PSMA6: variants seen among roughly 807,000 people sequenced by gnomAD.
PSMA6 encodes proteasome 20S subunit alpha 6.
For missense variants in PSMA6, 170 were observed against 294.8 expected (o/e 0.58, Z 3.10); for synonymous variants, 88 against 97.7 (o/e 0.90, Z 0.59).
chr14:35,314,579 GT>G, intron 6 of PSMA6, 124 bp downstream of exon 6: 4 of 1,257,070 alleles, frequency 3.2e-6, no homozygotes, highest in Admixed American at 3.6e-5. Context: ...TTGTGTGTTT[GT>G]TTTTTTCCCC....
intron 1 of PSMA6, chr14:35,293,079 G>A: frequency 2.2e-6 from 1 of 446,746 alleles, no homozygotes; most frequent in Non-Finnish European, 4.5e-6. Context: ...AGCTTAGAGT[G>A]ACAGATACGT....
chr14:35,315,388 T>C (rs1230017546), intron 6 of PSMA6: 4 of 150,976 alleles, frequency 2.6e-5, no homozygotes, highest in East Asian at 1.9e-4. Flanking sequence ...GAAAAATTCA[T>C]AGGACTTTAA....
chr14:35,316,411 G>A (rs1421561116), intron 6 of PSMA6: 4 of 150,556 alleles, frequency 2.7e-5, no homozygotes, highest in African/African-American at 9.8e-5. Flanking sequence ...AAAGAGAAAG[G>A]AAATATATGT....
intron 3 of PSMA6, 44 bp downstream of exon 3, chr14:35,309,039 C>A (rs565916332): frequency 7.5e-7 from 1 of 1,331,186 alleles, no homozygotes; most frequent in Non-Finnish European, 1.1e-6. Flanking sequence ...GATATACAAG[C>A]CTTTTGTTAT....
At chr14:35,315,467 A>T (rs138260696) in intron 6 of PSMA6, 94 of 151,912 alleles carry the variant, frequency 6.2e-4, no homozygotes, top group African/African-American at 2.2e-3. Context: ...CTGAGGCAAG[A>T]GGATGGCTTG....
At position 35,317,310 on chromosome 14, in the gene PSMA6, T is replaced by C; in HGVS notation, c.*4T>C. ...TGCTCTAGCAGAGAGAGACTAAACA[T>C]TGTCGTTAGTTTACCAGATCCGTGA... On this transcript the variant is annotated 3_prime_UTR_variant, in exon 7 of 7. Coordinates refer to ENST00000261479, the MANE Select transcript of PSMA6 (RefSeq NM_002791.3). The C allele has an allele frequency of 6.2e-7, 1 of 1,603,472 alleles. No homozygotes were observed. The highest frequency in any genetic ancestry group is 1.1e-5 in the South Asian group (1 of 90,824).
At position 35,313,057 on chromosome 14, in the gene PSMA6, G is replaced by A. The variant is rs1261187716; in HGVS notation, c.586G>A (p.Glu196Lys). 6.4e-7 allele frequency: 1 copy of A among 1,563,866 alleles called. No individual in the cohort carries two copies. The highest frequency in any genetic ancestry group is 8.6e-7 in the Non-Finnish European group (1 of 1,165,146). ...KFDWTFEQTV[E>K]TAITCLSTVL... ...TGATTGGACATTTGAACAGACAGTGGAAGTAAGTCAACCAAAAGGAGCTGA... is the reference window on the plus strand; with the variant it reads ...TGATTGGACATTTGAACAGACAGTGAAAGTAAGTCAACCAAAAGGAGCTGA... The change falls in exon 5 of 7, where the codon GAA (glutamate) becomes AAA (lysine). Residue 196 changes from glutamate to lysine, a missense_variant and splice_region_variant. Transcript: ENST00000261479.
chr14:35,310,951 C>CATGT, intron 4 of PSMA6, 56 bp downstream of exon 4: 1 of 1,518,218 alleles, frequency 6.6e-7, no homozygotes, highest in Non-Finnish European at 9.0e-7. Context: ...TTTTACAGAA[C>CATGT]ATGTATACAG....
chr14:35,309,026 G>A (rs1416834325), intron 3 of PSMA6, 31 bp downstream of exon 3: 4 of 1,407,126 alleles, frequency 2.8e-6, no homozygotes, highest in Non-Finnish European at 4.0e-6. Context: ...CAAGACATCT[G>A]TAGATATACA....
At chr14:35,306,654 C>T (rs2051833051) in intron 1 of PSMA6, among the ~76,000 whole-genome samples, 2 of 152,118 alleles carry the variant, frequency 1.3e-5, no homozygotes, top group African/African-American at 4.8e-5. Flanking sequence ...TTGTAGTGAG[C>T]CAAGATCATG....
At chr14:35,284,213 C>T (rs1287561111) in intron 1 of PSMA6, among the ~76,000 whole-genome samples, 2 of 152,060 alleles carry the variant, frequency 1.3e-5, no homozygotes, top group Non-Finnish European at 2.9e-5. Context: ...CCTAGCTTGC[C>T]CTAAACACAG....
At position 35,299,327 on chromosome 14, in the gene PSMA6, C is replaced by CTTTTTTTTTTTTTTTTTTTTTTT. The variant is rs71445906; in HGVS notation, c.76+6788_76+6789insTTTTTTTTTTTTTTTTTTTTTTT. Among the ~76,000 whole-genome samples the CTTTTTTTTTTTTTTTTTTTTTTT allele has an allele frequency of 7.3e-4, 48 of 65,996 alleles. 11 individuals carry two copies. The highest frequency in any genetic ancestry group is 2.0e-3 in the African/African-American group (35 of 17,124). The allele number at this position is 65,996 out of a possible 152,430, so 43.3% of individuals were successfully genotyped here. A position where few individuals can be genotyped will look rare whatever the true frequency, so the allele number is the denominator to read the frequency against. ...TGTGAGCCGCCGCAGTGCCCAGCCT[C>CTTTTTTTTTTTTTTTTTTTTTTT]TTTTTTTTTTTTTGAGATGGAGTCT... On this transcript the variant is annotated intron_variant, in intron 1 of 6. Coordinates refer to ENST00000261479, the MANE Select transcript of PSMA6 (RefSeq NM_002791.3).
upstream of PSMA6, among the ~76,000 whole-genome samples, chr14:35,291,706 C>A (rs1442466871): frequency 6.6e-6 from 1 of 151,766 alleles, no homozygotes; most frequent in Non-Finnish European, 1.5e-5. Flanking sequence ...GCCTATAATC[C>A]CAGCTACTCG....
intron 1 of PSMA6, among the ~76,000 whole-genome samples, chr14:35,294,674 T>C (rs1407791218): frequency 1.3e-5 from 2 of 152,212 alleles, no homozygotes; most frequent in African/African-American, 4.8e-5. Flanking sequence ...CAGTGAATGT[T>C]ATTAGATGCT....
chr14:35,317,223 G>GT (rs745577903), intron 6 of PSMA6, 26 bp from the exon 7 acceptor site: 91 of 1,605,976 alleles, frequency 5.7e-5, no homozygotes, highest in East Asian at 3.3e-4. Flanking sequence ...TTAAATCGTT[G>GT]TTTTTTTCCC....
intron 1 of PSMA6, among the ~76,000 whole-genome samples, chr14:35,293,513 C>T (rs1339880977): frequency 6.6e-6 from 1 of 152,148 alleles, no homozygotes; most frequent in Non-Finnish European, 1.5e-5. Context: ...GTAATATAAT[C>T]ATCTGTGCTT....
In PSMA6 at chr14:35,299,327, C is replaced by CTTTTTTTTTTTTTTTTTTTTTTTTTTTTT; in HGVS notation, c.76+6788_76+6789insTTTTTTTTTTTTTTTTTTTTTTTTTTTTT. 3.0e-5 allele frequency among the ~76,000 whole-genome samples: 2 copies of CTTTTTTTTTTTTTTTTTTTTTTTTTTTTT among 66,004 alleles called. 1 individual carries two copies. The highest frequency in any genetic ancestry group is 5.5e-5 in the Non-Finnish European group (2 of 36,322). 43.3% of individuals were successfully genotyped at this position (66,004 alleles called of 152,430 possible). A position where few individuals can be genotyped will look rare whatever the true frequency, so the allele number is the denominator to read the frequency against. On this transcript the variant is annotated intron_variant, in intron 1 of 6. Coordinates refer to ENST00000261479, the MANE Select transcript of PSMA6 (RefSeq NM_002791.3). Reference sequence around the variant, plus strand: ...TGTGAGCCGCCGCAGTGCCCAGCCTCTTTTTTTTTTTTTGAGATGGAGTCT... The same window carrying CTTTTTTTTTTTTTTTTTTTTTTTTTTTTT: ...TGTGAGCCGCCGCAGTGCCCAGCCTCTTTTTTTTTTTTTTTTTTTTTTTTTTTTTTTTTTTTTTTTTTGAGATGGAGTCT...
chr14:35,280,134 A>G (rs1171699629), intron 1 of PSMA6, among the ~76,000 whole-genome samples: 4 of 148,134 alleles, frequency 2.7e-5, no homozygotes, highest in Non-Finnish European at 4.5e-5. Flanking sequence ...CCGTCTCAAA[A>G]AAAAAAAAAA....
intron 1 of PSMA6, among the ~76,000 whole-genome samples, chr14:35,283,785 C>T (rs530637396): frequency 6.6e-6 from 1 of 152,062 alleles, no homozygotes; most frequent in Admixed American, 6.5e-5. Flanking sequence ...CCAAGCTGGT[C>T]TCAAACTCCT....
Sources: allele counts gnomAD v4.1 joint callset (sites outside exome capture counted in the v4.1 genomes callset), GRCh38; gene constraint gnomAD v4.1.1; transcripts MANE v1.5; gene names NCBI Gene and HGNC (gene_info 2026-07-23, HGNC 2026-07-21).